HIPK2: variants seen among roughly 807,000 people sequenced by gnomAD.
The protein encoded by HIPK2 is homeodomain interacting protein kinase 2.
Under a neutral mutation model 113.7 loss-of-function variants are expected in HIPK2, and 27 were observed. That is an observed-to-expected ratio of 0.24 (90% CI 0.17 to 0.33). The LOEUF is 0.33. HIPK2 is among the 10% of genes least tolerant of loss of function. The pLI is 1.00. For synonymous variants in HIPK2, 631 were observed against 642.2 expected (o/e 0.98, Z 0.26); for missense variants, 1,257 against 1,588.0 (o/e 0.79, Z 3.54).
chr7:139,625,359 CA>C (rs1800390512), intron 6 of HIPK2, among the ~76,000 whole-genome samples: 1 of 149,898 alleles, frequency 6.7e-6, no homozygotes, highest in Non-Finnish European at 1.5e-5. Context: ...ACCGAATGGA[CA>C]TTTTTTTCCA....
At chr7:139,641,368 C>CA (rs1404225110) in intron 2 of HIPK2, among the ~76,000 whole-genome samples, 15,915 of 87,940 alleles carry the variant, frequency 0.18, 1,362 homozygotes, top group African/African-American at 0.29. Flanking sequence ...GACTCAGTCT[C>CA]AAAAAAAAAA....
rs1050956802 is a variant in HIPK2 at position 139,714,169 on chromosome 7, C to G, written c.1103+1763G>C. ...GCACAGGCCTGTGGAGACCTTTCTGCGCATAGGAAATGAGCGGGAAAGGAA... is the reference window on the plus strand; with the variant it reads ...GCACAGGCCTGTGGAGACCTTTCTGGGCATAGGAAATGAGCGGGAAAGGAA... On this transcript the variant is annotated intron_variant, in intron 2 of 14. Transcript: ENST00000406875. The surrounding 1 kb of genome is among the most constrained non-coding windows in gnomAD (Gnocchi z 4.2). 6.6e-6 allele frequency among the ~76,000 whole-genome samples: 1 copy of G among 152,104 alleles called. No individual in the cohort carries two copies. Among genetic ancestry groups the G allele is most frequent in the Non-Finnish European group, 1.5e-5 (1 of 68,036 alleles).
At chr7:139,618,714 T>A (rs1800140559) in intron 7 of HIPK2, among the ~76,000 whole-genome samples, 1 of 152,096 alleles carries the variant, frequency 6.6e-6, no homozygotes, top group Non-Finnish European at 1.5e-5. Context: ...CAGAAAGACA[T>A]CCATGGGAAG....
chr7:139,668,761 C>T (rs1002560766), intron 2 of HIPK2, among the ~76,000 whole-genome samples: 1 of 152,134 alleles, frequency 6.6e-6, no homozygotes, highest in Non-Finnish European at 1.5e-5. Context: ...ATTTCTGGGT[C>T]TGACTGGTTA....
chr7:139,626,010 G>C (rs866110675), intron 6 of HIPK2, among the ~76,000 whole-genome samples: 15 of 152,204 alleles, frequency 9.9e-5, no homozygotes, highest in Middle Eastern at 6.8e-3. Context: ...GGTTCATCCA[G>C]CTCTGTGCTC....
intron 12 of HIPK2, among the ~76,000 whole-genome samples, chr7:139,584,392 C>T (rs1798770455): frequency 6.6e-6 from 1 of 152,250 alleles, no homozygotes; most frequent in East Asian, 1.9e-4. Flanking sequence ...CACCTGCAGC[C>T]CAGAGCTGGG....
intron 1 of HIPK2, among the ~76,000 whole-genome samples, chr7:139,774,426 C>T (rs187304662): frequency 5.4e-4 from 82 of 152,198 alleles, no homozygotes; most frequent in Admixed American, 5.2e-3. Flanking sequence ...TCAAATGTGG[C>T]GAGAAGAAAA....
intron 1 of HIPK2, among the ~76,000 whole-genome samples, chr7:139,768,315 T>C (rs193130521): frequency 7.0e-4 from 107 of 152,084 alleles, no homozygotes; most frequent in African/African-American, 2.4e-3. Context: ...AGGTGGGGAG[T>C]AGCCCCAGAC....
At chr7:139,638,714 G>C (rs1296413828) in intron 2 of HIPK2, among the ~76,000 whole-genome samples, 1 of 145,778 alleles carries the variant, frequency 6.9e-6, no homozygotes. Flanking sequence ...CTGGAGTGCA[G>C]TGGCGCGATC....
Sources: gnomAD v4.1 joint callset for allele counts (sites outside exome capture counted in the v4.1 genomes callset) on GRCh38, gnomAD v4.1.1 for gene constraint, Gnocchi (gnomAD v3.1) non-coding constraint, MANE v1.5 for transcripts, NCBI Gene and HGNC (gene_info 2026-07-23, HGNC 2026-07-21) for gene names.